Variants in LMNTD2 observed in about 807,000 individuals in gnomAD.
The protein encoded by LMNTD2 is lamin tail domain containing 2.
A neutral mutation model predicts 70.1 loss-of-function variants in LMNTD2; 83 were observed. The ratio of observed to expected loss-of-function variants is 1.18; its 90% CI spans 0.99 to 1.42. The LOEUF (loss-of-function observed/expected upper bound fraction) is 1.42. Among genes scored for constraint, LMNTD2 ranks in the 40% most tolerant of loss-of-function variants. The pLI is 0.00. For synonymous variants in LMNTD2, 534 were observed against 406.1 expected (o/e 1.31, Z -3.79); for missense variants, 1,153 against 905.9 (o/e 1.27, Z -3.50).
intron 3 of LMNTD2, 152 bp from the exon 4 acceptor site, chr11:558,400 C>T (rs540057742): frequency 1.0e-4 from 113 of 1,086,024 alleles, no homozygotes; most frequent in East Asian, 3.9e-4. Context: ...GGCCAGCCTC[C>T]GGCTGGTCTG....
Position 560,712 on chromosome 11 carries a change from C to A in LMNTD2, c.5G>T (p.Arg2Leu), listed in dbSNP as rs752500733. The change falls in exon 1 of 14, where the codon CGG becomes CTG. Residue 2 changes from arginine (R) to leucine (L), a missense_variant. Coordinates refer to ENST00000329451, the MANE Select transcript of LMNTD2 (RefSeq NM_173573.3). ...ACGCCTGCCCGCGGGCCGCAGCCACCGCATTTCCGCGTTTTTCGCGGTAGG... is the reference window on the plus strand; with the variant it reads ...ACGCCTGCCCGCGGGCCGCAGCCACAGCATTTCCGCGTTTTTCGCGGTAGG... Reference protein sequence around the residue: MRWLRPAGRRRE... With the variant: MLWLRPAGRRRE... 1.4e-6 allele frequency: 2 copies of A among 1,438,240 alleles called. No homozygotes were observed. Among genetic ancestry groups the A allele is most frequent in the East Asian group, 3.0e-5 (1 of 32,840 alleles). 89.1% of individuals were successfully genotyped at this position (1,438,240 alleles called of 1,614,324 possible).
At chr11:555,628 G>A in intron 12 of LMNTD2, 106 bp downstream of exon 12, 1 of 1,258,028 alleles carries the variant, frequency 7.9e-7, no homozygotes. Flanking sequence ...CCGGGGCGGG[G>A]CCTGGGGAAG....
chr11:556,644 G>A, intron 8 of LMNTD2, 56 bp from the exon 9 acceptor site: 1 of 1,439,390 alleles, frequency 6.9e-7, no homozygotes, highest in Non-Finnish European at 9.2e-7. Context: ...CCCACCGGAT[G>A]TTCCCCGTGA....
chr11:555,756 G>T lies in LMNTD2; in HGVS notation c.1552C>A (p.Arg518=). 7.0e-7 allele frequency: 1 copy of T among 1,432,694 alleles called. No individual in the cohort carries two copies. The highest frequency in any genetic ancestry group is 9.0e-7 in the Non-Finnish European group (1 of 1,105,726). The allele number at this position is 1,432,694 out of a possible 1,614,324, so 88.7% of individuals were successfully genotyped here. The change falls in exon 12 of 14, where the codon CGG becomes AGG. Residue 518 remains arginine (R), a synonymous_variant. Transcript: ENST00000329451. Reference sequence around the variant, plus strand: ...CACCCTGGTCTCCGGCGACTGACCCGGGGCTCCCGCACCCGGCCTTTGCGC... The same window carrying T: ...CACCCTGGTCTCCGGCGACTGACCCTGGGCTCCCGCACCCGGCCTTTGCGC... ...PLRKGRVREP[R]VSRRRPGTRG...
intron 12 of LMNTD2, 106 bp from the exon 13 acceptor site, chr11:555,609 A>G (rs899758129): frequency 4.8e-6 from 6 of 1,248,008 alleles, no homozygotes; most frequent in Non-Finnish European, 6.2e-6. Flanking sequence ...CTGGAGGACC[A>G]GGGGGCGGCC....
intron 1 of LMNTD2, chr11:559,225 AC>A: frequency 1.3e-6 from 2 of 1,484,702 alleles, no homozygotes; most frequent in Non-Finnish European, 1.8e-6. Context: ...GCAGCAGGTC[AC>A]CACCCGACAT....
At position 557,438 on chromosome 11, in the gene LMNTD2, G is replaced by C. The variant is rs1046323602; in HGVS notation, c.674C>G (p.Pro225Arg). 1 of 1,610,034 alleles carries C rather than the reference G, an allele frequency of 6.2e-7. No individual in the cohort carries two copies. Among genetic ancestry groups the C allele is most frequent in the Non-Finnish European group, 8.5e-7 (1 of 1,178,248 alleles). The change falls in exon 7 of 14, where the codon CCC (proline) becomes CGC (arginine). Residue 225 changes from proline (P) to arginine (R), a missense_variant. Transcript: ENST00000329451. ...GGGCTCCATGTTGGTGAAGAGGTTG[G>C]GATACCGGCGGGCAACGCTGTTCCA... ...VDWNSVARRY[P>R]NLFTNMEPSS...
chr11:557,398 C>G lies in LMNTD2; in HGVS notation c.713+1G>C, dbSNP rs1564816964. 8 of 1,598,532 alleles carry G rather than the reference C, an allele frequency of 5.0e-6. No individual in the cohort carries two copies. The highest frequency in any genetic ancestry group is 6.8e-6 in the Non-Finnish European group (8 of 1,172,148). On this transcript the variant is annotated splice_donor_variant, in intron 7 of 13. Coordinates refer to ENST00000329451, the MANE Select transcript of LMNTD2 (RefSeq NM_173573.3). LOFTEE classifies it high-confidence loss of function. ...GGGGAGTCCCTGCTCTGTGCAGTTA[C>G]TTTTGCTTTGAGCTGGGCTCCATGT...
In LMNTD2 at chr11:554,888, T is replaced by C. The variant is rs1402655047; in HGVS notation, c.*92A>G. ...AATGCGGTTTACTTTGTAGGCCACG[T>C]TGGTTCAATAAATGATGCAGCGGAC... On this transcript the variant is annotated 3_prime_UTR_variant, in exon 14 of 14. Transcript: ENST00000329451. 1.2e-5 allele frequency: 10 copies of C among 866,320 alleles called. No individual in the cohort carries two copies. The highest frequency in any genetic ancestry group is 1.8e-5 in the African/African-American group (1 of 55,220). 53.7% of individuals were successfully genotyped at this position (866,320 alleles called of 1,614,324 possible). A position where few individuals can be genotyped will look rare whatever the true frequency, so the allele number is the denominator to read the frequency against.
At chr11:559,870 C>T in intron 1 of LMNTD2, 1 of 624,654 alleles carries the variant, frequency 1.6e-6, no homozygotes. Context: ...GGTGATCCTC[C>T]CACTTCCGCC....
At position 557,435 on chromosome 11, in the gene LMNTD2, T is replaced by C. The variant is rs773788316; in HGVS notation, c.677A>G (p.Asn226Ser). ...DWNSVARRYP[N>S]LFTNMEPSSK... ...GCTGGGCTCCATGTTGGTGAAGAGGTTGGGATACCGGCGGGCAACGCTGTT... is the reference window on the plus strand; with the variant it reads ...GCTGGGCTCCATGTTGGTGAAGAGGCTGGGATACCGGCGGGCAACGCTGTT... The change falls in exon 7 of 14, where the codon AAC becomes AGC. Residue 226 changes from asparagine (N) to serine (S), a missense_variant. Transcript: ENST00000329451. 2.5e-6 allele frequency: 4 copies of C among 1,609,978 alleles called. No individual in the cohort carries two copies. In the South Asian group the frequency reaches 4.4e-5, roughly 18 times the overall value.
At chr11:559,942 T>C (rs1853169973) in intron 1 of LMNTD2, 1 of 215,142 alleles carries the variant, frequency 4.6e-6, no homozygotes, top group South Asian at 1.1e-4. Context: ...ACAGCTCCTT[T>C]GACCTCAGTG....
Position 555,094 on chromosome 11 carries a change from C to A in LMNTD2, c.1791G>T (p.Val597=). 6.6e-7 allele frequency: 1 copy of A among 1,522,800 alleles called. No individual in the cohort carries two copies. The highest frequency in any genetic ancestry group is 8.8e-7 in the Non-Finnish European group (1 of 1,137,590). 94.3% of individuals were successfully genotyped at this position (1,522,800 alleles called of 1,614,324 possible). Residue 597 remains valine, a synonymous_variant, in exon 14 of 14, where the codon GTG becomes GTT. Coordinates refer to ENST00000329451, the MANE Select transcript of LMNTD2 (RefSeq NM_173573.3). The part of the protein sequence containing the change: ...EHRVRVCRKS[V]DRSCPLVALS... ...GGGCCACCAGGGGGCAGCTACGGTC[C>A]ACGCTCTTCCGGCACACCTGGGGGG...
At chr11:555,146 G>GGGGCGGGGAC in intron 13 of LMNTD2, 35 bp from the exon 14 acceptor site, 1 of 1,027,626 alleles carries the variant, frequency 9.7e-7, no homozygotes. Context: ...CGCGCGGGGC[G>GGGGCGGGGAC]GGGCGGGGAC....
chr11:558,311 C>A, intron 3 of LMNTD2, 63 bp from the exon 4 acceptor site: 1 of 1,554,532 alleles, frequency 6.4e-7, no homozygotes, highest in South Asian at 1.1e-5. Flanking sequence ...AATGTCAGGT[C>A]AGTGGCGAAG....
chr11:558,292 G>A, intron 3 of LMNTD2, 44 bp from the exon 4 acceptor site: 1 of 1,594,154 alleles, frequency 6.3e-7, no homozygotes, highest in Non-Finnish European at 8.6e-7. Context: ...TGCTCAGGCA[G>A]GGGTTCCTAA....
chr11:557,528 A>G lies in LMNTD2; in HGVS notation c.625-41T>C, dbSNP rs377636681. On this transcript the variant is annotated intron_variant, in intron 6 of 13. Coordinates refer to ENST00000329451, the MANE Select transcript of LMNTD2 (RefSeq NM_173573.3). The stretch of plus-strand genomic sequence containing the variant: ...GAGGCACATGGTCCTCCCCTCCCGC[A>G]GGGCTCCAGATACCAGACCACACAC... 8 of 1,613,300 alleles carry G rather than the reference A, an allele frequency of 5.0e-6. No homozygotes were observed. In the African/African-American group the frequency reaches 9.3e-5, roughly 19 times the overall value.
chr11:555,493 G>A lies in LMNTD2; in HGVS notation c.1585C>T (p.Leu529=). ...TTCCCCGAGCTCACTGGGGGCAGCA[G>A]GCCCCGCGTCCTGGTGGGGCGAGGG... ...VSRRRPGTRG[L]LPPVSSGKLF... The change falls in exon 13 of 14, where the codon CTG becomes TTG. Residue 529 remains leucine, a synonymous_variant. Transcript: ENST00000329451. The A allele has an allele frequency of 3.7e-6, 5 of 1,366,020 alleles. No homozygotes were observed. The highest frequency in any genetic ancestry group is 2.9e-5 in the East Asian group (1 of 33,950). 84.6% of individuals were successfully genotyped at this position (1,366,020 alleles called of 1,614,324 possible). A position where few individuals can be genotyped will look rare whatever the true frequency, so the allele number is the denominator to read the frequency against.
Position 556,257 on chromosome 11 carries a change from C to G in LMNTD2, c.1192G>C (p.Gly398Arg), listed in dbSNP as rs1244529811. The G allele has an allele frequency of 2.6e-6, 4 of 1,531,020 alleles. No homozygotes were observed. The highest frequency in any genetic ancestry group is 8.7e-7 in the Non-Finnish European group (1 of 1,144,746). 94.8% of individuals were successfully genotyped at this position (1,531,020 alleles called of 1,614,324 possible). The change falls in exon 10 of 14, where the codon GGC becomes CGC. Residue 398 changes from glycine (G) to arginine (R), a missense_variant. Transcript: ENST00000329451. ...AAGCGGTACAGGCGCTCCGGGAAGC[C>G]GCGCACCAGCTGCTTCAGCACCATG... ...SGMVLKQLVR[G>R]FPERLYRFPP...
Sources: gnomAD v4.1 joint callset for allele counts on GRCh38, gnomAD v4.1.1 for gene constraint, MANE v1.5 for transcripts, NCBI Gene and HGNC (gene_info 2026-07-23, HGNC 2026-07-21) for gene names.